The following GPC6 variants were observed in gnomAD, a reference collection of about 807,000 sequenced individuals.
The protein encoded by GPC6 is glypican-6.
In GPC6, 14 loss-of-function variants were observed where a neutral mutation model predicts 55.2. The ratio of observed to expected loss-of-function variants is 0.25; its 90% CI spans 0.17 to 0.40. The LOEUF is 0.40. Among genes scored for constraint, GPC6 ranks in the 10% least tolerant of loss-of-function variants. GPC6 has a pLI of 1.00. For synonymous variants in GPC6, 278 were observed against 259.6 expected (o/e 1.07, Z -0.68); for missense variants, 641 against 708.5 (o/e 0.90, Z 1.08).
chr13:93,320,634 T>A (rs974432699), intron 1 of GPC6, among the ~76,000 whole-genome samples: 4 of 144,514 alleles, frequency 2.8e-5, no homozygotes, highest in African/African-American at 5.2e-5. Flanking sequence ...GTGTATATAT[T>A]ATATATATAT....
chr13:93,270,067 C>A lies in GPC6; in HGVS notation c.160+42451C>A, dbSNP rs77294166. Among the ~76,000 whole-genome samples the A allele has an allele frequency of 4.5e-3, 683 of 151,690 alleles. 7 individuals carry two copies. Among genetic ancestry groups the A allele is most frequent in the African/African-American group, 0.016 (647 of 41,350 alleles). ...CTCAGGAATTCCAGCACAGCCTGGG[C>A]AGCATAGTAAGACTATGGCTCTCAA... On this transcript the variant is annotated intron_variant, in intron 1 of 8. Transcript: ENST00000377047.
intron 1 of GPC6, among the ~76,000 whole-genome samples, chr13:93,479,726 A>G (rs1879442293): frequency 6.6e-6 from 1 of 152,234 alleles, no homozygotes; most frequent in Admixed American, 6.5e-5. Context: ...ACTGTGATCT[A>G]CATTACCTTT....
chr13:94,054,867 TAGAG>T (rs1884077742), intron 4 of GPC6, among the ~76,000 whole-genome samples: 1 of 152,086 alleles, frequency 6.6e-6, no homozygotes, highest in African/African-American at 2.4e-5. Flanking sequence ...TGCTCTGTAT[TAGAG>T]AGCTTAGAGA....
intron 2 of GPC6, among the ~76,000 whole-genome samples, chr13:93,603,877 T>C (rs563349439): frequency 7.3e-4 from 111 of 152,318 alleles, no homozygotes; most frequent in African/African-American, 2.5e-3. Context: ...TAGACATTTA[T>C]CTATGTACTC....
At chr13:93,279,879 T>C (rs1307652336) in intron 1 of GPC6, among the ~76,000 whole-genome samples, 2 of 152,250 alleles carry the variant, frequency 1.3e-5, no homozygotes, top group Non-Finnish European at 2.9e-5. Context: ...AGTTCTGTCA[T>C]AGTATCTTAA....
At chr13:93,418,040 T>C (rs1876769864) in intron 1 of GPC6, among the ~76,000 whole-genome samples, 1 of 152,068 alleles carries the variant, frequency 6.6e-6, no homozygotes, top group Non-Finnish European at 1.5e-5. Flanking sequence ...CAATTGTACT[T>C]GGAAATACAA....
At chr13:94,020,939 A>G (rs1266219340) in intron 3 of GPC6, among the ~76,000 whole-genome samples, 2 of 152,180 alleles carry the variant, frequency 1.3e-5, no homozygotes, top group African/African-American at 4.8e-5. Flanking sequence ...TTTACATGTA[A>G]TTTAATCATT....
rs1566315701 is a variant in GPC6 at position 94,034,206 on chromosome 13, AAGGAAG to A, written c.877+6313_877+6318del. 1.0e-3 allele frequency among the ~76,000 whole-genome samples: 133 copies of A among 129,654 alleles called. 1 individual carries two copies. Among genetic ancestry groups the A allele is most frequent in the Middle Eastern group, 3.7e-3 (1 of 268 alleles). The allele number at this position is 129,654 out of a possible 152,430, so 85.1% of individuals were successfully genotyped here. ...TGCTGAGAGAAAGAAAGAAAGAAGG[AAGGAAG>A]GAAGGAAGGAAGGAAGGAAGGAAGG... On this transcript the variant is annotated intron_variant, in intron 4 of 8. Transcript: ENST00000377047.
In GPC6 at chr13:93,682,317, G is replaced by C. The variant is rs539514417; in HGVS notation, c.319+136896G>C. Among the ~76,000 whole-genome samples, 265 of 152,276 alleles carry C rather than the reference G, an allele frequency of 1.7e-3. 2 individuals carry two copies. Among genetic ancestry groups the C allele is most frequent in the African/African-American group, 6.0e-3 (250 of 41,578 alleles). The stretch of plus-strand genomic sequence containing the variant: ...TAAGGCAGTGAGAACAATAACCCCA[G>C]CTGATCCTACCAGTGATCCCACTGG... On this transcript the variant is annotated intron_variant, in intron 2 of 8. Coordinates refer to ENST00000377047, the MANE Select transcript of GPC6 (RefSeq NM_005708.5).
At chr13:93,913,632 A>G (rs1263692361) in intron 3 of GPC6, among the ~76,000 whole-genome samples, 1 of 152,114 alleles carries the variant, frequency 6.6e-6, no homozygotes, top group Non-Finnish European at 1.5e-5. Flanking sequence ...TCTTTAACAA[A>G]ATTTCATGTG....
intron 2 of GPC6, among the ~76,000 whole-genome samples, chr13:93,821,741 C>T (rs1443209391): frequency 6.6e-6 from 1 of 152,152 alleles, no homozygotes; most frequent in Non-Finnish European, 1.5e-5. Context: ...TCCTCAGTTT[C>T]TCTAACTTGT....
chr13:93,577,676 A>G (rs1245026402), intron 2 of GPC6, among the ~76,000 whole-genome samples: 1 of 151,916 alleles, frequency 6.6e-6, no homozygotes, highest in Non-Finnish European at 1.5e-5. Flanking sequence ...CAGAAGGAAA[A>G]CAATTTCAAT....
intron 4 of GPC6, among the ~76,000 whole-genome samples, chr13:94,239,186 C>A (rs549192736): frequency 1.3e-5 from 2 of 151,978 alleles, no homozygotes; most frequent in African/African-American, 2.4e-5. Context: ...TTAGGGGGCC[C>A]TTCTCGGTTT....
In GPC6 at chr13:93,756,290, C is replaced by T. The variant is rs554556639; in HGVS notation, c.320-73864C>T. Among the ~76,000 whole-genome samples, 98 of 152,296 alleles carry T rather than the reference C, an allele frequency of 6.4e-4. No individual in the cohort carries two copies. The South Asian group carries it at 0.019, about 30-fold the overall frequency. The stretch of plus-strand genomic sequence containing the variant: ...CCTGGTCACCATATTCCAGGAGTAA[C>T]TTGTGGTCATTGTGACACCAAATAA... On this transcript the variant is annotated intron_variant, in intron 2 of 8. Transcript: ENST00000377047.
chr13:93,304,362 T>C (rs932536073), intron 1 of GPC6, among the ~76,000 whole-genome samples: 1 of 152,194 alleles, frequency 6.6e-6, no homozygotes, highest in Admixed American at 6.5e-5. Context: ...TGCTGCTGGC[T>C]TGTCTGCTGG....
chr13:94,096,288 G>A (rs551991394), intron 4 of GPC6, among the ~76,000 whole-genome samples: 10 of 150,272 alleles, frequency 6.7e-5, no homozygotes, highest in East Asian at 1.9e-4. Flanking sequence ...AACCTGCCGT[G>A]GAATCAGAAA....
At chr13:94,110,530 G>A (rs1886209332) in intron 4 of GPC6, among the ~76,000 whole-genome samples, 1 of 152,054 alleles carries the variant, frequency 6.6e-6, no homozygotes, top group African/African-American at 2.4e-5. Flanking sequence ...AAATTCATAA[G>A]GGAGTGATCC....
chr13:93,894,065 C>G (rs1304506346), intron 3 of GPC6, among the ~76,000 whole-genome samples: 1 of 152,148 alleles, frequency 6.6e-6, no homozygotes, highest in African/African-American at 2.4e-5. Flanking sequence ...ACCCTGTGGT[C>G]ACTATGATGA....
In GPC6 at chr13:93,364,731, A is replaced by G. The variant is rs150533155; in HGVS notation, c.160+137115A>G. On this transcript the variant is annotated intron_variant, in intron 1 of 8. Transcript: ENST00000377047. ...CATATATATACACACACATATATGTATATATATATGTATTTTATATATATG... is the reference window on the plus strand; with the variant it reads ...CATATATATACACACACATATATGTGTATATATATGTATTTTATATATATG... 8.9e-3 allele frequency among the ~76,000 whole-genome samples: 1,345 copies of G among 151,258 alleles called. 12 individuals carry two copies. Among genetic ancestry groups the G allele is most frequent in the Non-Finnish European group, 0.012 (808 of 67,836 alleles).
Sources: allele counts gnomAD v4.1 joint callset (sites outside exome capture counted in the v4.1 genomes callset), GRCh38; gene constraint gnomAD v4.1.1; transcripts MANE v1.5; gene names NCBI Gene and HGNC (gene_info 2026-07-23, HGNC 2026-07-21).